The following RIGI variants were observed in gnomAD, a reference collection of about 807,000 sequenced individuals.
RIGI encodes the protein antiviral innate immune response receptor RIG-I.
At chr9:32,461,741 A>G in the RIGI span, among the ~76,000 whole-genome samples, 1 of 151,982 alleles carries the variant, frequency 6.6e-6, no homozygotes, top group Non-Finnish European at 1.5e-5. Flanking sequence ...TGATAAGGCA[A>G]TCTCCATTCA....
At chr9:32,520,811 G>A in the RIGI span, among the ~76,000 whole-genome samples, 3 of 150,080 alleles carry the variant, frequency 2.0e-5, no homozygotes, top group African/African-American at 4.9e-5. Flanking sequence ...AAAGATGGCT[G>A]GGTGTGGTGG....
the RIGI span, among the ~76,000 whole-genome samples, chr9:32,474,997 G>A: frequency 1.3e-5 from 2 of 152,020 alleles, no homozygotes; most frequent in Non-Finnish European, 2.9e-5. Context: ...CCATCACTCG[G>A]CTGGAGAGCA....
At chr9:32,466,279 C>T in the RIGI span, 202,235 of 1,611,512 alleles carry the variant, frequency 0.13, 14,051 homozygotes, top group Middle Eastern at 0.22. Context: ...GGAAGAATAA[C>T]GTAGACTTAC....
chr9:32,457,202 C>A, the RIGI span: 9 of 1,613,658 alleles, frequency 5.6e-6, no homozygotes, highest in Admixed American at 5.0e-5. Context: ...GTCTGAACTC[C>A]AGTTGCAATA....
chr9:32,464,400 G>GT, the RIGI span, among the ~76,000 whole-genome samples: 1 of 151,722 alleles, frequency 6.6e-6, no homozygotes, highest in South Asian at 2.1e-4. Context: ...TTTTTTGTTT[G>GT]TTTTTTTGAG....
chr9:32,479,216 CAATA>C, the RIGI span, among the ~76,000 whole-genome samples: 13 of 152,134 alleles, frequency 8.5e-5, no homozygotes, highest in Admixed American at 1.3e-4. Context: ...GTGGAATTTA[CAATA>C]AAGAATAGTT....
chr9:32,498,322 G>A, the RIGI span: 4 of 456,578 alleles, frequency 8.8e-6, no homozygotes, highest in Admixed American at 2.4e-5. Flanking sequence ...CTGCCCAGGT[G>A]CATGCTTCTA....
the RIGI span, among the ~76,000 whole-genome samples, chr9:32,522,354 A>C: frequency 2.6e-5 from 4 of 152,194 alleles, no homozygotes; most frequent in Non-Finnish European, 5.9e-5. Flanking sequence ...AGAATTTATA[A>C]ACTATTTGTG....
the RIGI span, chr9:32,487,876 T>A: frequency 6.5e-7 from 1 of 1,548,524 alleles, no homozygotes; most frequent in Non-Finnish European, 8.8e-7. Context: ...AGTGTGGCCA[T>A]AAGAGTAAGA....
chr9:32,508,175 T>C, the RIGI span, among the ~76,000 whole-genome samples: 1 of 149,110 alleles, frequency 6.7e-6, no homozygotes, highest in Non-Finnish European at 1.5e-5. Context: ...AACTCTTATT[T>C]ATCATAATTT....
chr9:32,502,596 T>C, the RIGI span, among the ~76,000 whole-genome samples: 4 of 152,248 alleles, frequency 2.6e-5, no homozygotes, highest in African/African-American at 9.6e-5. Context: ...CCAGGTGGTT[T>C]AAACAATAGA....
the RIGI span, among the ~76,000 whole-genome samples, chr9:32,521,885 TCTC>T: frequency 6.6e-6 from 1 of 152,196 alleles, no homozygotes; most frequent in African/African-American, 2.4e-5. Flanking sequence ...TCTTTATGGC[TCTC>T]CTAAGACTTT....
chr9:32,491,485 C>T, the RIGI span: 4 of 1,363,602 alleles, frequency 2.9e-6, no homozygotes, highest in Non-Finnish European at 4.0e-6. Context: ...ATGGTGAAAG[C>T]TCCACAAAAT....
chr9:32,518,050 C>A, the RIGI span, among the ~76,000 whole-genome samples: 1 of 152,070 alleles, frequency 6.6e-6, no homozygotes, highest in African/African-American at 2.4e-5. Context: ...AGATTTCTTG[C>A]TTCCTAGGTT....
chr9:32,496,205 G>A, the RIGI span, among the ~76,000 whole-genome samples: 1 of 152,112 alleles, frequency 6.6e-6, no homozygotes, highest in Non-Finnish European at 1.5e-5. Flanking sequence ...TCTTCTAGGA[G>A]TTTTAATAGT....
At chr9:32,505,663 A>G in the RIGI span, among the ~76,000 whole-genome samples, 1 of 152,196 alleles carries the variant, frequency 6.6e-6, no homozygotes, top group African/African-American at 2.4e-5. Context: ...ATAGTTTTAA[A>G]TAAGTAAGAT....
chr9:32,465,175 A>C, the RIGI span, among the ~76,000 whole-genome samples: 1 of 152,360 alleles, frequency 6.6e-6, no homozygotes, highest in South Asian at 2.1e-4. Flanking sequence ...AGTAAAACTA[A>C]GGGAGGAACT....
At chr9:32,515,573 C>T in the RIGI span, among the ~76,000 whole-genome samples, 144 of 152,302 alleles carry the variant, frequency 9.5e-4, no homozygotes, top group African/African-American at 3.4e-3. Flanking sequence ...TACTATTAAG[C>T]ACTACCTCCC....
the RIGI span, among the ~76,000 whole-genome samples, chr9:32,508,661 C>G: frequency 6.6e-6 from 1 of 152,054 alleles, no homozygotes; most frequent in Non-Finnish European, 1.5e-5. Context: ...GTTTCAAGCA[C>G]AAATCTGGGT....
Sources: gnomAD v4.1 joint callset for allele counts (sites outside exome capture counted in the v4.1 genomes callset) on GRCh38, gnomAD v4.1.1 for gene constraint, MANE v1.5 for transcripts, NCBI Gene and HGNC (gene_info 2026-07-23, HGNC 2026-07-21) for gene names.